GMDS: variants seen among roughly 807,000 people sequenced by gnomAD.
GMDS encodes GDP-mannose 4,6 dehydratase.
Under a neutral mutation model 49.9 loss-of-function variants are expected in GMDS, and 20 were observed. That is an observed-to-expected ratio of 0.40 (90% CI 0.28 to 0.58). The LOEUF (loss-of-function observed/expected upper bound fraction) is 0.58, where lower values mean the gene tolerates loss of function less well. GMDS is among the 20% of genes least tolerant of loss of function. GMDS has a pLI of 0.42. For synonymous variants in GMDS, 177 were observed against 178.6 expected, an observed-to-expected ratio of 0.99 and a Z score of 0.07; for missense variants, 362 against 481.4, an observed-to-expected ratio of 0.75 and a Z score of 2.32.
chr6:2,077,873 T>C (rs538064530), intron 4 of GMDS, among the ~76,000 whole-genome samples: 1 of 152,198 alleles, frequency 6.6e-6, no homozygotes, highest in Admixed American at 6.5e-5. Context: ...TTCTTCTTTA[T>C]ACATATGGTA....
At chr6:2,173,687 T>A (rs544928396) in intron 1 of GMDS, among the ~76,000 whole-genome samples, 6 of 152,312 alleles carry the variant, frequency 3.9e-5, no homozygotes, top group Admixed American at 3.9e-4. Context: ...TGGTTGCTTG[T>A]AGTTCTGATA....
intron 7 of GMDS, among the ~76,000 whole-genome samples, chr6:1,884,566 C>A (rs986604922): frequency 2.6e-5 from 4 of 152,194 alleles, no homozygotes; most frequent in African/African-American, 9.7e-5. Context: ...TAACACAGTC[C>A]ACAGGCCTGC....
At chr6:1,847,611 C>A (rs1757468977) in intron 7 of GMDS, among the ~76,000 whole-genome samples, 1 of 152,216 alleles carries the variant, frequency 6.6e-6, no homozygotes, top group Non-Finnish European at 1.5e-5. Flanking sequence ...GTGTCCAATA[C>A]AGAACTCAGC....
At chr6:1,866,599 A>G (rs573767804) in intron 7 of GMDS, among the ~76,000 whole-genome samples, 1 of 152,262 alleles carries the variant, frequency 6.6e-6, no homozygotes, top group Non-Finnish European at 1.5e-5. Flanking sequence ...ACCTGCTGAG[A>G]CCAAGAAAAA....
chr6:1,639,240 T>A (rs1763254948), intron 9 of GMDS, among the ~76,000 whole-genome samples: 1 of 152,176 alleles, frequency 6.6e-6, no homozygotes, highest in South Asian at 2.1e-4. Context: ...AAACAGATAC[T>A]GGGTGACGTG....
At chr6:1,831,655 T>C (rs1254403178) in intron 7 of GMDS, among the ~76,000 whole-genome samples, 1 of 152,204 alleles carries the variant, frequency 6.6e-6, no homozygotes, top group African/African-American at 2.4e-5. Context: ...TTCCTAACCT[T>C]TTTAGGTTTT....
At chr6:2,116,707 T>C (rs1018257261) in intron 3 of GMDS, among the ~76,000 whole-genome samples, 20 of 152,174 alleles carry the variant, frequency 1.3e-4, no homozygotes, top group African/African-American at 4.6e-4. Context: ...CCACATATGG[T>C]TTACAAGCTG....
chr6:2,245,374 C>T lies in GMDS; in HGVS notation c.49G>A (p.Gly17Ser), dbSNP rs200177689. The change falls in exon 1 of 11, where the codon GGC (glycine) becomes AGC (serine). Residue 17 changes from glycine to serine, a missense_variant. Coordinates refer to ENST00000380815, the MANE Select transcript of GMDS (RefSeq NM_001500.4). ...RCPSARGSGD[G>S]EMGKPRNVAL... Reference sequence around the variant, plus strand: ...ACGTTCCTGGGCTTGCCCATCTCGCCGTCCCCGGAGCCCCGGGCGCTGGGG... The same window carrying T: ...ACGTTCCTGGGCTTGCCCATCTCGCTGTCCCCGGAGCCCCGGGCGCTGGGG... 9.7e-5 allele frequency: 151 copies of T among 1,550,688 alleles called. No homozygotes were observed. The African/African-American group carries it at 1.9e-3, about 20-fold the overall frequency.
chr6:1,719,124 C>G (rs1257629060), intron 9 of GMDS, among the ~76,000 whole-genome samples: 1 of 152,156 alleles, frequency 6.6e-6, no homozygotes, highest in Non-Finnish European at 1.5e-5. Context: ...ACTGATGGGC[C>G]AAACCTGGTA....
intron 4 of GMDS, among the ~76,000 whole-genome samples, chr6:1,977,030 G>A (rs893418542): frequency 2.0e-5 from 3 of 152,166 alleles, no homozygotes; most frequent in Non-Finnish European, 4.4e-5. Context: ...AATGATGCCT[G>A]TACCTATGGT....
At position 2,124,739 on chromosome 6, in the gene GMDS, GA is replaced by G; in HGVS notation, c.103-9del. 6.2e-7 allele frequency: 1 copy of G among 1,611,400 alleles called. No individual in the cohort carries two copies. The highest frequency in any genetic ancestry group is 8.5e-7 in the Non-Finnish European group (1 of 1,178,040). ...AGCCAGGTAGGAACCATCCTGGGGA[GA>G]AAGAAAAAATTGCAAAACGTCAGTC... On this transcript the variant is annotated splice_polypyrimidine_tract_variant and intron_variant, in intron 1 of 10. Transcript: ENST00000380815.
intron 4 of GMDS, among the ~76,000 whole-genome samples, chr6:2,110,859 C>T (rs1562064326): frequency 6.6e-6 from 1 of 152,122 alleles, no homozygotes; most frequent in South Asian, 2.1e-4. Flanking sequence ...GAAAGACACA[C>T]TCATGGTTTG....
intron 9 of GMDS, among the ~76,000 whole-genome samples, chr6:1,693,295 C>G (rs1170715714): frequency 2.0e-5 from 3 of 152,238 alleles, no homozygotes; most frequent in Non-Finnish European, 4.4e-5. Context: ...ACTGCCCTGA[C>G]TGCTCCAGGG....
intron 9 of GMDS, among the ~76,000 whole-genome samples, chr6:1,657,461 C>T (rs76581615): frequency 0.071 from 10,787 of 152,210 alleles, 429 homozygotes; most frequent in South Asian, 0.12. Context: ...AGCAGATAGC[C>T]GCTGTATGGT....
At chr6:1,769,724 A>G (rs1362836576) in intron 7 of GMDS, among the ~76,000 whole-genome samples, 3 of 151,018 alleles carry the variant, frequency 2.0e-5, no homozygotes, top group African/African-American at 4.9e-5. Flanking sequence ...TTTTTTTGAG[A>G]CGGAGTCTTG....
At chr6:2,193,174 T>A (rs934684746) in intron 1 of GMDS, among the ~76,000 whole-genome samples, 4 of 152,224 alleles carry the variant, frequency 2.6e-5, no homozygotes, top group African/African-American at 9.6e-5. Context: ...GACTTCTGCA[T>A]TCCTCACAAC....
chr6:1,682,119 C>T (rs937558307), intron 9 of GMDS, among the ~76,000 whole-genome samples: 1 of 152,096 alleles, frequency 6.6e-6, no homozygotes, highest in African/African-American at 2.4e-5. Context: ...TTATGAAATG[C>T]CTTTTCCTCC....
At chr6:1,746,161 C>A (rs1227316241) in intron 7 of GMDS, among the ~76,000 whole-genome samples, 2 of 152,208 alleles carry the variant, frequency 1.3e-5, no homozygotes, top group South Asian at 2.1e-4. Flanking sequence ...CAAATCGCCA[C>A]CCAGCTTTGG....
intron 7 of GMDS, among the ~76,000 whole-genome samples, chr6:1,867,455 A>C (rs1758494125): frequency 6.6e-6 from 1 of 152,172 alleles, no homozygotes; most frequent in Non-Finnish European, 1.5e-5. Flanking sequence ...GTGCAGGCAA[A>C]TATAGACAGG....
Sources: gnomAD v4.1 joint callset for allele counts (sites outside exome capture counted in the v4.1 genomes callset) on GRCh38, gnomAD v4.1.1 for gene constraint, MANE v1.5 for transcripts, NCBI Gene and HGNC (gene_info 2026-07-23, HGNC 2026-07-21) for gene names.